CNBD1: variants seen among roughly 807,000 people sequenced by gnomAD.
CNBD1 encodes cyclic nucleotide binding domain containing 1.
In CNBD1, 71 loss-of-function variants were observed where a neutral mutation model predicts 54.4. The observed-to-expected ratio is 1.30, with a 90% CI of 1.08 to 1.59. The LOEUF is 1.59. Ranked by LOEUF, CNBD1 falls within the 40% of genes most tolerant of loss-of-function variation. The pLI, the probability that CNBD1 is intolerant of heterozygous loss-of-function variation, is 0.00. For missense variants in CNBD1, 659 were observed against 518.0 expected (o/e 1.27, Z -2.64); for synonymous variants, 182 against 170.7 (o/e 1.07, Z -0.51).
chr8:87,181,751 T>C (rs184508681), intron 4 of CNBD1, among the ~76,000 whole-genome samples: 1 of 152,324 alleles, frequency 6.6e-6, no homozygotes, highest in African/African-American at 2.4e-5. Flanking sequence ...TTGCTTAATT[T>C]AGATTTAATT....
chr8:87,416,387 C>CA (rs1468987939), intron 2 of CNBD1, among the ~76,000 whole-genome samples: 1 of 151,894 alleles, frequency 6.6e-6, no homozygotes, highest in Non-Finnish European at 1.5e-5. Context: ...AGCATTTATT[C>CA]AAGAAAAGTG....
chr8:87,319,212 G>A (rs1809466889), intron 8 of CNBD1, among the ~76,000 whole-genome samples: 1 of 152,028 alleles, frequency 6.6e-6, no homozygotes. Context: ...CAACAGAGAA[G>A]TTTCAGGAGG....
At chr8:87,284,256 A>G (rs1255335359) in intron 6 of CNBD1, among the ~76,000 whole-genome samples, 2 of 152,108 alleles carry the variant, frequency 1.3e-5, no homozygotes, top group African/African-American at 4.8e-5. Context: ...ATCATCCATA[A>G]ATATTAATGG....
At chr8:86,883,361 T>C (rs1181748144) in intron 1 of CNBD1, among the ~76,000 whole-genome samples, 5 of 152,138 alleles carry the variant, frequency 3.3e-5, no homozygotes, top group Non-Finnish European at 7.4e-5. Context: ...TGAATATTAG[T>C]GGAGCACTGG....
intron 4 of CNBD1, among the ~76,000 whole-genome samples, chr8:87,007,456 G>A (rs970289419): frequency 7.9e-5 from 12 of 152,014 alleles, no homozygotes; most frequent in Non-Finnish European, 1.6e-4. Flanking sequence ...GATGTAAAAA[G>A]TATATTTTGA....
At chr8:87,304,231 A>T (rs78420963) in intron 8 of CNBD1, among the ~76,000 whole-genome samples, 1 of 150,832 alleles carries the variant, frequency 6.6e-6, no homozygotes, top group Non-Finnish European at 1.5e-5. Context: ...GACTTGGAAC[A>T]AACCCAAATG....
intron 1 of CNBD1, among the ~76,000 whole-genome samples, chr8:86,868,061 A>G (rs1792644656): frequency 1.3e-5 from 2 of 152,188 alleles, no homozygotes; most frequent in Admixed American, 6.5e-5. Flanking sequence ...GCAAGACAAT[A>G]ATTTTCCTTA....
intron 4 of CNBD1, among the ~76,000 whole-genome samples, chr8:87,062,753 T>C (rs1315692777): frequency 6.6e-6 from 1 of 152,110 alleles, no homozygotes; most frequent in East Asian, 1.9e-4. Context: ...AAAAAATGCT[T>C]TGTACATTAT....
intron 6 of CNBD1, among the ~76,000 whole-genome samples, chr8:87,257,608 T>C (rs1387892187): frequency 6.6e-6 from 1 of 152,086 alleles, no homozygotes; most frequent in Non-Finnish European, 1.5e-5. Flanking sequence ...AGCAGAAGCT[T>C]TAAGGACTCA....
chr8:87,279,552 C>G (rs1369542302), intron 6 of CNBD1, among the ~76,000 whole-genome samples: 2 of 151,094 alleles, frequency 1.3e-5, no homozygotes, highest in Non-Finnish European at 3.0e-5. Context: ...ATTATACTAA[C>G]CAGAAGGCCA....
At chr8:87,099,695 A>G (rs1357711277) in intron 4 of CNBD1, among the ~76,000 whole-genome samples, 1 of 152,174 alleles carries the variant, frequency 6.6e-6, no homozygotes, top group Non-Finnish European at 1.5e-5. Context: ...ATTCCCAATA[A>G]TAAGATAAGA....
At chr8:87,314,314 A>T (rs73693642) in intron 8 of CNBD1, among the ~76,000 whole-genome samples, 10,435 of 149,578 alleles carry the variant, frequency 0.07, 729 homozygotes, top group African/African-American at 0.19. Flanking sequence ...CTCATTTTTT[A>T]AAAAAAAAGA....
chr8:87,175,319 C>G (rs1206991991), intron 4 of CNBD1, among the ~76,000 whole-genome samples: 4 of 152,168 alleles, frequency 2.6e-5, no homozygotes. Context: ...GAGTCTCTCT[C>G]CAGAGTCACC....
intron 8 of CNBD1, among the ~76,000 whole-genome samples, chr8:87,338,028 T>A (rs1046012573): frequency 6.6e-6 from 1 of 152,186 alleles, no homozygotes; most frequent in East Asian, 1.9e-4. Context: ...TGATTTAATT[T>A]TTTATGTCCT....
At chr8:87,373,428 C>T (rs1270211375) in intron 10 of CNBD1, among the ~76,000 whole-genome samples, 1 of 151,826 alleles carries the variant, frequency 6.6e-6, no homozygotes, top group Admixed American at 6.6e-5. Flanking sequence ...GCATCTCTCG[C>T]TTACCTAAAC....
chr8:87,224,441 A>C (rs1231850620), intron 5 of CNBD1, among the ~76,000 whole-genome samples: 2 of 151,728 alleles, frequency 1.3e-5, no homozygotes, highest in African/African-American at 2.4e-5. Context: ...GAAGGGATCC[A>C]GTTTCAGCTT....
In CNBD1 at chr8:87,351,781, G is replaced by T. The variant is rs369138086; in HGVS notation, c.1139G>T (p.Arg380Leu). 3.4e-5 allele frequency: 51 copies of T among 1,500,602 alleles called. No individual in the cohort carries two copies. The highest frequency in any genetic ancestry group is 4.2e-5 in the Non-Finnish European group (48 of 1,129,948). The allele number at this position is 1,500,602 out of a possible 1,614,324, so 93.0% of individuals were successfully genotyped here. ...YRSIIGFVKLRSNKVKRSQKL... is the reference protein window; with the variant it reads ...YRSIIGFVKLLSNKVKRSQKL... ...AGTATTATAGGATTTGTGAAACTAC[G>T]ATCAAATAAAGTGGTAAGTTTTCAA... The change falls in exon 9 of 11, where the codon CGA (arginine) becomes CTA (leucine). Residue 380 changes from arginine to leucine, a missense_variant. Arg to Leu is a moderately radical substitution (Grantham distance 102). Transcript: ENST00000518476.
chr8:87,424,017 G>T (rs1248009185), intron 2 of CNBD1, among the ~76,000 whole-genome samples: 1 of 152,188 alleles, frequency 6.6e-6, no homozygotes, highest in Non-Finnish European at 1.5e-5. Context: ...GAGTGTATGT[G>T]TCAAGGAATT....
chr8:87,391,229 C>G (rs1333636795), intron 2 of CNBD1, among the ~76,000 whole-genome samples: 1 of 151,730 alleles, frequency 6.6e-6, no homozygotes, highest in Non-Finnish European at 1.5e-5. Flanking sequence ...TACCCTAAAA[C>G]TTAAAGTATA....
Sources: allele counts gnomAD v4.1 joint callset (sites outside exome capture counted in the v4.1 genomes callset), GRCh38; gene constraint gnomAD v4.1.1; transcripts MANE v1.5; gene names NCBI Gene and HGNC (gene_info 2026-07-23, HGNC 2026-07-21).